GATM: variants seen among roughly 807,000 people sequenced by gnomAD.
GATM encodes the protein glycine amidinotransferase, mitochondrial.
GATM carries 23 observed loss-of-function variants against 54.2 expected under a neutral mutation model. That is an observed-to-expected ratio of 0.42 (90% CI 0.31 to 0.60). GATM has a LOEUF of 0.60. Among genes scored for constraint, GATM ranks in the 20% least tolerant of loss-of-function variants. The pLI is 0.14. For synonymous variants in GATM, 168 were observed against 183.1 expected (o/e 0.92, Z 0.67); for missense variants, 401 against 544.9 (o/e 0.74, Z 2.63).
In GATM at chr15:45,376,533, AG is replaced by A. The variant is rs897002494; in HGVS notation, c.288+67del. ...TCTGGGAGTAAGCTGAAGGGAAAGC[AG>A]TCAGAGGGTAGCAGCAGCAGGTGAG... On this transcript the variant is annotated intron_variant, in intron 2 of 8. Coordinates refer to ENST00000396659, the MANE Select transcript of GATM (RefSeq NM_001482.3). 5 of 1,313,166 alleles carry A rather than the reference AG, an allele frequency of 3.8e-6. No homozygotes were observed. The African/African-American group carries it at 7.2e-5, about 19-fold the overall frequency. 81.3% of individuals were successfully genotyped at this position (1,313,166 alleles called of 1,614,324 possible). A position where few individuals can be genotyped will look rare whatever the true frequency, so the allele number is the denominator to read the frequency against.
At position 45,368,015 on chromosome 15, in the gene GATM, T is replaced by C; in HGVS notation, c.675+55A>G. On this transcript the variant is annotated intron_variant, in intron 4 of 8. Coordinates refer to ENST00000396659, the MANE Select transcript of GATM (RefSeq NM_001482.3). This position sits in a 1 kb window ranked among gnomAD's most constrained non-coding sequence, Gnocchi z 5.1. ...GTATCAGAGAATCTCTATCTTACTC[T>C]TTGTGGATCATTTAGAAAAGTTAGT... 1.3e-6 allele frequency: 2 copies of C among 1,489,294 alleles called. No homozygotes were observed. Among genetic ancestry groups the C allele is most frequent in the Admixed American group, 1.7e-5 (1 of 58,864 alleles). 92.3% of individuals were successfully genotyped at this position (1,489,294 alleles called of 1,614,324 possible). A position where few individuals can be genotyped will look rare whatever the true frequency, so the allele number is the denominator to read the frequency against.
intron 1 of GATM, among the ~76,000 whole-genome samples, chr15:45,400,829 G>A (rs1153851): frequency 0.14 from 20,837 of 152,116 alleles, 4,695 homozygotes; most frequent in African/African-American, 0.47. Context: ...CCTGTCCTCA[G>A]TAAGTCTTCT....
In GATM at chr15:45,362,071, G is replaced by T; in HGVS notation, c.*38C>A. 1.6e-6 allele frequency: 2 copies of T among 1,221,300 alleles called. No homozygotes were observed. Among genetic ancestry groups the T allele is most frequent in the South Asian group, 1.2e-5 (1 of 82,902 alleles). The allele number at this position is 1,221,300 out of a possible 1,614,324, so 75.7% of individuals were successfully genotyped here. On this transcript the variant is annotated 3_prime_UTR_variant, in exon 9 of 9. Coordinates refer to ENST00000396659, the MANE Select transcript of GATM (RefSeq NM_001482.3). ...TGAACCTTGCCCCTAAGCTTCTTAG[G>T]TGTATCTGAGGCCAGCCACAAGCTC...
intron 3 of GATM, among the ~76,000 whole-genome samples, chr15:45,388,506 A>G (rs139873480): frequency 1.3e-5 from 2 of 152,248 alleles, no homozygotes; most frequent in African/African-American, 4.8e-5. Flanking sequence ...AGGATACCAC[A>G]CTATATTTCG....
chr15:45,390,977 T>G (rs538320960), intron 3 of GATM, among the ~76,000 whole-genome samples: 1 of 152,314 alleles, frequency 6.6e-6, no homozygotes, highest in African/African-American at 2.4e-5. Context: ...CATTAACTAC[T>G]TGGATAACCT....
At chr15:45,374,436 G>A (rs1889593853) in intron 2 of GATM, among the ~76,000 whole-genome samples, 1 of 152,198 alleles carries the variant, frequency 6.6e-6, no homozygotes, top group Non-Finnish European at 1.5e-5. Context: ...CAATTAAAAT[G>A]GTTAGGGGAT....
chr15:45,391,633 G>A (rs934175548), intron 3 of GATM, among the ~76,000 whole-genome samples: 2 of 152,242 alleles, frequency 1.3e-5, no homozygotes, highest in African/African-American at 4.8e-5. Context: ...ACACTGTGCA[G>A]AATTATTGCC....
intron 2 of GATM, among the ~76,000 whole-genome samples, chr15:45,371,291 A>G (rs1049075254): frequency 6.6e-6 from 1 of 152,236 alleles, no homozygotes; most frequent in Non-Finnish European, 1.5e-5. Context: ...TTAGCAAAGC[A>G]ATGTACATTG....
At chr15:45,374,904 A>T (rs1161562721) in intron 2 of GATM, among the ~76,000 whole-genome samples, 1 of 152,240 alleles carries the variant, frequency 6.6e-6, no homozygotes, top group Non-Finnish European at 1.5e-5. Flanking sequence ...ATTTAAGGAC[A>T]CTAAAGATAC....
chr15:45,365,493 A>C (rs913112530), intron 6 of GATM, among the ~76,000 whole-genome samples: 2 of 152,256 alleles, frequency 1.3e-5, no homozygotes, highest in Middle Eastern at 3.2e-3. Context: ...GTTGTACTGC[A>C]GCCTTGCAAG....
upstream of GATM, among the ~76,000 whole-genome samples, chr15:45,381,682 C>T (rs567287698): frequency 6.6e-6 from 1 of 152,348 alleles, no homozygotes; most frequent in East Asian, 1.9e-4. Flanking sequence ...CACAGATACA[C>T]TGGATGAGAT....
chr15:45,398,269 A>C (rs1259299581), intron 2 of GATM, among the ~76,000 whole-genome samples: 1 of 152,204 alleles, frequency 6.6e-6, no homozygotes, highest in Non-Finnish European at 1.5e-5. Context: ...TATAATTATT[A>C]TGTTTGTTGA....
upstream of GATM, among the ~76,000 whole-genome samples, chr15:45,381,147 A>G (rs967247722): frequency 5.3e-5 from 8 of 152,122 alleles, no homozygotes; most frequent in South Asian, 1.4e-3. Flanking sequence ...AATGGAATAG[A>G]CTGTGAAGTC....
intron 2 of GATM, chr15:45,369,776 C>G (rs1341063134): frequency 2.0e-6 from 1 of 488,158 alleles, no homozygotes; most frequent in East Asian, 3.9e-5. Flanking sequence ...CATGGCCAAC[C>G]ACTAACAGCA....
Position 45,366,487 on chromosome 15 carries a change from C to CAT in GATM, c.696_697insAT (p.Glu233MetfsTer14). The CAT allele has an allele frequency of 1.9e-6, 3 of 1,614,064 alleles. No homozygotes were observed. Among genetic ancestry groups the CAT allele is most frequent in the Non-Finnish European group, 2.5e-6 (3 of 1,179,970 alleles). ...TGAGCAGCCAATTTGTGTCTGTCTT[C>CAT]TACAGAGTGGATGGGATAATCCTAA... On this transcript the variant is annotated frameshift_variant, in exon 5 of 9. Transcript: ENST00000396659. LOFTEE classifies it high-confidence loss of function.
At chr15:45,386,831 T>A (rs1337592457) in intron 3 of GATM, among the ~76,000 whole-genome samples, 3 of 152,186 alleles carry the variant, frequency 2.0e-5, no homozygotes, top group Admixed American at 6.5e-5. Context: ...TCTCCTCCAC[T>A]TATGGTCATT....
chr15:45,378,528 C>T lies in GATM; in HGVS notation c.-75G>A. The T allele has an allele frequency of 1.6e-6, 2 of 1,221,118 alleles. No individual in the cohort carries two copies. The allele number at this position is 1,221,118 out of a possible 1,614,324, so 75.6% of individuals were successfully genotyped here. A position where few individuals can be genotyped will look rare whatever the true frequency, so the allele number is the denominator to read the frequency against. On this transcript the variant is annotated 5_prime_UTR_variant, in exon 1 of 9. Coordinates refer to ENST00000396659, the MANE Select transcript of GATM (RefSeq NM_001482.3). Reference sequence around the variant, plus strand: ...GCGTCGGTCCAAGCCTTCCCGAGAGCGCGCCCGGAGCGGGGTGGGCGGGCG... The same window carrying T: ...GCGTCGGTCCAAGCCTTCCCGAGAGTGCGCCCGGAGCGGGGTGGGCGGGCG...
chr15:45,401,654 TAGAC>T (rs1890011634), intron 1 of GATM, among the ~76,000 whole-genome samples: 2 of 152,166 alleles, frequency 1.3e-5, no homozygotes, highest in Admixed American at 1.3e-4. Flanking sequence ...GTGCCCCAAT[TAGAC>T]AGTAAGCATT....
At chr15:45,364,979 AAAAG>A in intron 6 of GATM, 119 bp from the exon 7 acceptor site, 4 of 796,204 alleles carry the variant, frequency 5.0e-6, no homozygotes, top group Non-Finnish European at 8.2e-6. Context: ...CTCAGCTTCC[AAAAG>A]AAAGAAATTA....
Sources: gnomAD v4.1 joint callset for allele counts (sites outside exome capture counted in the v4.1 genomes callset) on GRCh38, gnomAD v4.1.1 for gene constraint, Gnocchi (gnomAD v3.1) non-coding constraint, MANE v1.5 for transcripts, NCBI Gene and HGNC (gene_info 2026-07-23, HGNC 2026-07-21) for gene names.